The following MGAT4C variants were observed in gnomAD, a reference collection of about 807,000 sequenced individuals.
MGAT4C encodes the protein alpha-1,3-mannosyl-glycoprotein 4-beta-N-acetylglucosaminyltransferase C.
MGAT4C carries 19 observed loss-of-function variants against 40.1 expected under a neutral mutation model. The observed-to-expected ratio is 0.47, with a 90% CI of 0.33 to 0.70. MGAT4C has a LOEUF of 0.70. Ranked by LOEUF, MGAT4C falls within the 30% of genes least tolerant of loss-of-function variation. MGAT4C has a pLI of 0.02. For missense variants in MGAT4C, 491 were observed against 563.2 expected, an observed-to-expected ratio of 0.87 and a Z score of 1.30; for synonymous variants, 181 against 187.1, an observed-to-expected ratio of 0.97 and a Z score of 0.27.
intron 2 of MGAT4C, among the ~76,000 whole-genome samples, chr12:86,508,463 G>A (rs1958511914): frequency 6.6e-6 from 1 of 152,084 alleles, no homozygotes; most frequent in Non-Finnish European, 1.5e-5. Context: ...TATCATTGTT[G>A]GACATTTGGG....
rs1162332377 is a variant in MGAT4C, at chr12:86,339,412, T to C, written c.-119-5285A>G. Among the ~76,000 whole-genome samples the C allele has an allele frequency of 5.3e-5, 8 of 152,290 alleles. No individual in the cohort carries two copies. In the South Asian group the frequency reaches 6.2e-4, roughly 12 times the overall value. On this transcript the variant is annotated intron_variant, in intron 3 of 7. Transcript: ENST00000548651. Reference sequence around the variant, plus strand: ...GATGATGATATCAGAGTAGCTTCAATTAGGAAATGATATTTCAGATAGATT... The same window carrying C: ...GATGATGATATCAGAGTAGCTTCAACTAGGAAATGATATTTCAGATAGATT...
chr12:86,657,469 A>G (rs1254537008), intron 2 of MGAT4C, among the ~76,000 whole-genome samples: 1 of 151,904 alleles, frequency 6.6e-6, no homozygotes, highest in Non-Finnish European at 1.5e-5. Flanking sequence ...ACTTCAGATT[A>G]TAGAAAAAAA....
chr12:86,519,203 C>T (rs984081091), intron 2 of MGAT4C, among the ~76,000 whole-genome samples: 4 of 152,120 alleles, frequency 2.6e-5, no homozygotes, highest in African/African-American at 9.7e-5. Context: ...ATAATTACCT[C>T]CAGTTCTATG....
intron 2 of MGAT4C, among the ~76,000 whole-genome samples, chr12:86,625,092 A>C (rs981201211): frequency 6.6e-6 from 1 of 152,002 alleles, no homozygotes; most frequent in African/African-American, 2.4e-5. Context: ...GGCCCTTTAT[A>C]AGGGGATTTT....
intron 1 of MGAT4C, among the ~76,000 whole-genome samples, chr12:86,780,274 G>A (rs1325217019): frequency 2.0e-5 from 3 of 152,010 alleles, no homozygotes; most frequent in African/African-American, 4.8e-5. Context: ...AAATTTAAGC[G>A]GTACAAGTGT....
chr12:86,755,544 TTTC>T (rs1468550245), intron 1 of MGAT4C, among the ~76,000 whole-genome samples: 3 of 152,100 alleles, frequency 2.0e-5, no homozygotes, highest in Non-Finnish European at 4.4e-5. Context: ...TGAATTATTT[TTTC>T]TTTTCTTTTC....
intron 1 of MGAT4C, among the ~76,000 whole-genome samples, chr12:86,242,288 A>G (rs12423847): frequency 3.0e-4 from 46 of 152,274 alleles, no homozygotes; most frequent in Admixed American, 2.5e-3. Flanking sequence ...GGATCCTGCA[A>G]TGCAAAGGTG....
intron 1 of MGAT4C, among the ~76,000 whole-genome samples, chr12:86,210,453 C>G (rs1349299456): frequency 1.3e-5 from 2 of 152,126 alleles, no homozygotes; most frequent in Admixed American, 1.3e-4. Flanking sequence ...TTTTTATATC[C>G]TGTGATTGGT....
chr12:86,648,930 TA>T lies in MGAT4C; in HGVS notation c.-229+78278del, dbSNP rs35586874. On this transcript the variant is annotated intron_variant, in intron 2 of 7. Coordinates refer to the MGAT4C transcript ENST00000548651. ...TCTCTATAGATTTTTTTCCTATGTA[TA>T]CTCTGAAATTGGAGTTCTTAATTTC... 6.3e-3 allele frequency among the ~76,000 whole-genome samples: 952 copies of T among 151,974 alleles called. 58 individuals carry two copies. In the East Asian group the frequency reaches 0.13, roughly 21 times the overall value.
intron 2 of MGAT4C, among the ~76,000 whole-genome samples, chr12:86,613,424 T>C (rs998989980): frequency 2.0e-5 from 3 of 152,146 alleles, no homozygotes; most frequent in Non-Finnish European, 4.4e-5. Flanking sequence ...ACAAAGTAAG[T>C]ATTGGGACTT....
At chr12:85,985,450 A>G (rs1885101880) in intron 3 of MGAT4C, among the ~76,000 whole-genome samples, 1 of 152,176 alleles carries the variant, frequency 6.6e-6, no homozygotes. Context: ...TCTTTTCTGT[A>G]TATCCAAGTA....
At chr12:86,387,763 A>T (rs1956082174) in intron 3 of MGAT4C, among the ~76,000 whole-genome samples, 1 of 152,140 alleles carries the variant, frequency 6.6e-6, no homozygotes, top group Admixed American at 6.5e-5. Flanking sequence ...CAGAAGGGGA[A>T]AAAAGTAGAT....
At chr12:86,711,261 G>T (rs1307465288) in intron 2 of MGAT4C, among the ~76,000 whole-genome samples, 1 of 152,114 alleles carries the variant, frequency 6.6e-6, no homozygotes, top group African/African-American at 2.4e-5. Flanking sequence ...TATGGGAATA[G>T]AGAAAGAGCC....
At chr12:86,372,124 A>C (rs1257456322) in intron 3 of MGAT4C, among the ~76,000 whole-genome samples, 4 of 151,928 alleles carry the variant, frequency 2.6e-5, no homozygotes, top group African/African-American at 7.2e-5. Flanking sequence ...GTTTAATTCA[A>C]ATCAGAGTAT....
In MGAT4C at chr12:85,966,595, C is replaced by A. The variant is rs974837674; in HGVS notation, c.*12694G>T. On this transcript the variant is annotated 3_prime_UTR_variant, in exon 5 of 5. Coordinates refer to ENST00000611864, the MANE Select transcript of MGAT4C (RefSeq NM_001351288.2). ...AATCATGCTTCTATAAAGACACATGCACACGTATGTTTATTGCGGCACTAT... is the reference window on the plus strand; with the variant it reads ...AATCATGCTTCTATAAAGACACATGAACACGTATGTTTATTGCGGCACTAT... The A allele has an allele frequency of 3.3e-5, 5 of 152,146 alleles. No individual in the cohort carries two copies. Among genetic ancestry groups the A allele is most frequent in the African/African-American group, 9.7e-5 (4 of 41,434 alleles). 9.4% of individuals were successfully genotyped at this position (152,146 alleles called of 1,614,324 possible).
At chr12:86,162,376 A>T (rs1192017864) in intron 1 of MGAT4C, among the ~76,000 whole-genome samples, 1 of 152,182 alleles carries the variant, frequency 6.6e-6, no homozygotes, top group Non-Finnish European at 1.5e-5. Context: ...CACAATCTTA[A>T]GCAAATTAAT....
intron 2 of MGAT4C, among the ~76,000 whole-genome samples, chr12:86,603,050 A>G (rs1037058615): frequency 3.3e-5 from 5 of 151,690 alleles, no homozygotes; most frequent in African/African-American, 1.2e-4. Flanking sequence ...TTATTGGAGG[A>G]ATCTAAACCA....
At chr12:86,654,137 G>A (rs951737465) in intron 2 of MGAT4C, among the ~76,000 whole-genome samples, 2 of 151,928 alleles carry the variant, frequency 1.3e-5, no homozygotes, top group African/African-American at 4.8e-5. Flanking sequence ...TGATGAACAA[G>A]CCTTATGGCT....
chr12:86,321,155 C>T (rs1181514374), intron 4 of MGAT4C, among the ~76,000 whole-genome samples: 1 of 152,044 alleles, frequency 6.6e-6, no homozygotes, highest in Non-Finnish European at 1.5e-5. Context: ...TTCAAACTTT[C>T]AATTTTATTA....
Sources: gnomAD v4.1 joint callset for allele counts (sites outside exome capture counted in the v4.1 genomes callset) on GRCh38, gnomAD v4.1.1 for gene constraint, MANE v1.5 for transcripts, NCBI Gene and HGNC (gene_info 2026-07-23, HGNC 2026-07-21) for gene names.